CTNND1: variants seen among roughly 807,000 people sequenced by gnomAD.
The protein encoded by CTNND1 is catenin delta-1.
CTNND1 carries 16 observed loss-of-function variants against 112.1 expected under a neutral mutation model. The observed-to-expected ratio is 0.14, with a 90% CI of 0.10 to 0.22. The LOEUF (loss-of-function observed/expected upper bound fraction) is 0.22. Among genes scored for constraint, CTNND1 ranks in the 10% least tolerant of loss-of-function variants. The pLI is 1.00. For missense variants in CTNND1, 1,008 were observed against 1,257.0 expected (o/e 0.80, Z 3.00); for synonymous variants, 420 against 446.5 (o/e 0.94, Z 0.75).
intron 1 of CTNND1, among the ~76,000 whole-genome samples, chr11:57,770,942 G>T (rs1403334997): frequency 6.6e-6 from 1 of 152,090 alleles, no homozygotes; most frequent in Non-Finnish European, 1.5e-5. Flanking sequence ...TTGTTGGAAT[G>T]GGGGAAGTTC....
intron 1 of CTNND1, among the ~76,000 whole-genome samples, chr11:57,785,048 C>G (rs969807357): frequency 3.3e-5 from 5 of 152,144 alleles, no homozygotes; most frequent in Non-Finnish European, 4.4e-5. Flanking sequence ...TTTGGAGGAG[C>G]CAAGACTTGG....
At chr11:57,806,225 T>C (rs2062640065) in intron 10 of CTNND1, among the ~76,000 whole-genome samples, 190 bp downstream of exon 10, 1 of 55,752 alleles carries the variant, frequency 1.8e-5, no homozygotes, top group African/African-American at 5.0e-5. Context: ...GGTTGTGATG[T>C]GTTGGTGGTG....
chr11:57,803,217 C>T (rs977277690), intron 7 of CTNND1, among the ~76,000 whole-genome samples: 1 of 152,216 alleles, frequency 6.6e-6, no homozygotes, highest in African/African-American at 2.4e-5. Context: ...ACGCCATTCT[C>T]CTGCCTCAGC....
intron 1 of CTNND1, among the ~76,000 whole-genome samples, chr11:57,787,459 A>G (rs2060253711): frequency 6.6e-6 from 1 of 152,254 alleles, no homozygotes; most frequent in Non-Finnish European, 1.5e-5. Flanking sequence ...GAAACAACTT[A>G]ATACCTGACA....
At chr11:57,797,571 G>A (rs1458286605) in intron 6 of CTNND1, among the ~76,000 whole-genome samples, 8 of 137,894 alleles carry the variant, frequency 5.8e-5, no homozygotes, top group East Asian at 5.3e-4. Flanking sequence ...GGCCAGGCGC[G>A]GTGGCTCACG....
intron 1 of CTNND1, among the ~76,000 whole-genome samples, chr11:57,782,656 A>T (rs2059699495): frequency 6.6e-6 from 1 of 152,228 alleles, no homozygotes; most frequent in South Asian, 2.1e-4. Context: ...CATTTAGGTT[A>T]TAGTTCATTA....
chr11:57,816,044 G>A, intron 20 of CTNND1, 43 bp downstream of exon 20: 1 of 1,495,596 alleles, frequency 6.7e-7, no homozygotes, highest in Non-Finnish European at 9.0e-7. Flanking sequence ...TGAGGAAGGA[G>A]GCTCCTGAGT....
intron 11 of CTNND1, 40 bp from the exon 12 acceptor site, chr11:57,806,875 A>T (rs1487777413): frequency 6.6e-7 from 1 of 1,505,920 alleles, no homozygotes; most frequent in South Asian, 1.2e-5. Context: ...TCTTTTTTAA[A>T]CTGGCTTACC....
intron 5 of CTNND1, among the ~76,000 whole-genome samples, chr11:57,796,018 G>A (rs1565334821): frequency 6.6e-6 from 1 of 152,086 alleles, no homozygotes; most frequent in Admixed American, 6.6e-5. Flanking sequence ...AAAGATAGAT[G>A]GTAGGCTTTA....
Position 57,809,266 on chromosome 11 carries a change from C to G in CTNND1, c.2243-8C>G, listed in dbSNP as rs773683050. On this transcript the variant is annotated splice_region_variant and splice_polypyrimidine_tract_variant and intron_variant, in intron 14 of 20. Coordinates refer to ENST00000399050, the MANE Select transcript of CTNND1 (RefSeq NM_001085458.2). Reference sequence around the variant, plus strand: ...TCTTTTCTCCCTGCATACATTCTTTCTTACTAGGTAAACATGCTATTCCTA... The same window carrying G: ...TCTTTTCTCCCTGCATACATTCTTTGTTACTAGGTAAACATGCTATTCCTA... 3 of 1,607,850 alleles carry G rather than the reference C, an allele frequency of 1.9e-6. No individual in the cohort carries two copies. Among genetic ancestry groups the G allele is most frequent in the Admixed American group, 1.7e-5 (1 of 59,870 alleles).
At chr11:57,793,851 T>G (rs2061039817) in intron 3 of CTNND1, among the ~76,000 whole-genome samples, 159 bp from the exon 4 acceptor site, 2 of 152,198 alleles carry the variant, frequency 1.3e-5, no homozygotes, top group Non-Finnish European at 2.9e-5. Context: ...GTGCTAAGAC[T>G]AAAGAGTGAA....
Position 57,796,361 on chromosome 11 carries a change from A to C in CTNND1, c.421-96A>C, listed in dbSNP as rs1050462917. ...GAGATCACGCCATTGCACTCCAGCC[A>C]GGGCAACAGTGCAAGACTCCATCTC... On this transcript the variant is annotated intron_variant, in intron 5 of 20. Coordinates refer to ENST00000399050, the MANE Select transcript of CTNND1 (RefSeq NM_001085458.2). 4.2e-6 allele frequency: 5 copies of C among 1,191,152 alleles called. No individual in the cohort carries two copies. The African/African-American group carries it at 7.7e-5, about 18-fold the overall frequency. The allele number at this position is 1,191,152 out of a possible 1,614,324, so 73.8% of individuals were successfully genotyped here. A position where few individuals can be genotyped will look rare whatever the true frequency, so the allele number is the denominator to read the frequency against.
Position 57,806,979 on chromosome 11 carries a change from T to G in CTNND1, c.1959T>G (p.Ala653=). The G allele has an allele frequency of 1.9e-6, 3 of 1,595,186 alleles. No homozygotes were observed. Among genetic ancestry groups the G allele is most frequent in the Non-Finnish European group, 2.6e-6 (3 of 1,170,086 alleles). The part of the protein sequence containing the change: ...TVDFPKRTSP[A]RGYELLFQPE... ...ATTTCCCTAAAAGAACGAGTCCAGCTCGAGGTAAGTTATCTTCTCAGTCTC... is the reference window on the plus strand; with the variant it reads ...ATTTCCCTAAAAGAACGAGTCCAGCGCGAGGTAAGTTATCTTCTCAGTCTC... The change falls in exon 12 of 21, where the codon GCT becomes GCG. Residue 653 remains alanine, a synonymous_variant. Transcript: ENST00000399050.
At chr11:57,763,474 T>C (rs1163536907) in intron 1 of CTNND1, among the ~76,000 whole-genome samples, 2 of 152,194 alleles carry the variant, frequency 1.3e-5, no homozygotes, top group African/African-American at 2.4e-5. Context: ...GGGTATTTCT[T>C]GAAAGACGAT....
chr11:57,798,344 C>A (rs1182097285), intron 6 of CTNND1, among the ~76,000 whole-genome samples: 127 of 105,650 alleles, frequency 1.2e-3, no homozygotes, highest in African/African-American at 4.2e-3. Context: ...GAGACTGTCT[C>A]AAAAAAAAAA....
In CTNND1 at chr11:57,805,764, T is replaced by C; in HGVS notation, c.1723-118T>C. Reference sequence around the variant, plus strand: ...ACTTAAGAGGCATCCTGAGAAGTTATGGATTGGGTTATGCATTTGAAGATC... The same window carrying C: ...ACTTAAGAGGCATCCTGAGAAGTTACGGATTGGGTTATGCATTTGAAGATC... On this transcript the variant is annotated intron_variant, in intron 9 of 20. Coordinates refer to ENST00000399050, the MANE Select transcript of CTNND1 (RefSeq NM_001085458.2). The C allele has an allele frequency of 6.0e-6, 7 of 1,163,114 alleles. No individual in the cohort carries two copies. The East Asian group carries it at 7.6e-5, about 13-fold the overall frequency. 72.0% of individuals were successfully genotyped at this position (1,163,114 alleles called of 1,614,324 possible).
At position 57,795,077 on chromosome 11, in the gene CTNND1, C is replaced by T. The variant is rs1434461898; in HGVS notation, c.268-500C>T. On this transcript the variant is annotated intron_variant, in intron 4 of 20. Coordinates refer to ENST00000399050, the MANE Select transcript of CTNND1 (RefSeq NM_001085458.2). ...GGCATGGTGGCGTGAGCCTGTAGTT[C>T]TAGCTACTCAGGAGGCTGAAATGGC... 2.6e-5 allele frequency among the ~76,000 whole-genome samples: 4 copies of T among 152,094 alleles called. 1 individual carries two copies. Among genetic ancestry groups the T allele is most frequent in the African/African-American group, 9.7e-5 (4 of 41,416 alleles).
At chr11:57,803,145 TCA>T (rs2137164134) in intron 7 of CTNND1, among the ~76,000 whole-genome samples, 1 of 152,346 alleles carries the variant, frequency 6.6e-6, no homozygotes, top group African/African-American at 2.4e-5. Context: ...TCTCGCTCTG[TCA>T]CCCAGGCTGG....
Position 57,796,627 on chromosome 11 carries a change from T to G in CTNND1, c.591T>G (p.Ala197=). The G allele has an allele frequency of 6.2e-7, 1 of 1,614,046 alleles. No homozygotes were observed. Among genetic ancestry groups the G allele is most frequent in the Non-Finnish European group, 8.5e-7 (1 of 1,179,902 alleles). Residue 197 remains alanine (A), a synonymous_variant, in exon 6 of 21, where the codon GCT becomes GCG. Coordinates refer to ENST00000399050, the MANE Select transcript of CTNND1 (RefSeq NM_001085458.2). ...NGGPGPYVGQ[A]GTATLPRNFH... ...GACCTGGTCCCTATGTGGGGCAAGCTGGCACTGCTACCCTTCCTAGGAACT... is the reference window on the plus strand; with the variant it reads ...GACCTGGTCCCTATGTGGGGCAAGCGGGCACTGCTACCCTTCCTAGGAACT...
Sources: gnomAD v4.1 joint callset for allele counts (sites outside exome capture counted in the v4.1 genomes callset) on GRCh38, gnomAD v4.1.1 for gene constraint, MANE v1.5 for transcripts, NCBI Gene and HGNC (gene_info 2026-07-23, HGNC 2026-07-21) for gene names.